The following RIDA variants were observed in gnomAD, a reference collection of about 807,000 sequenced individuals.
The protein encoded by RIDA is 2-iminobutanoate/2-iminopropanoate deaminase.
A neutral mutation model predicts 17.8 loss-of-function variants in RIDA; 17 were observed. That is an observed-to-expected ratio of 0.96 (90% confidence interval 0.65 to 1.43). The LOEUF (loss-of-function observed/expected upper bound fraction) is 1.43, where lower values mean the gene tolerates loss of function less well. Ranked by LOEUF, RIDA falls within the 40% of genes most tolerant of loss-of-function variation. The pLI is 0.00. For missense variants in RIDA, 158 were observed against 161.7 expected, an observed-to-expected ratio of 0.98 and a Z score of 0.12; for synonymous variants, 48 against 55.7, an observed-to-expected ratio of 0.86 and a Z score of 0.62.
Position 98,108,711 on chromosome 8 carries a change from G to A in RIDA, c.106C>T (p.Gln36Ter). Reference protein sequence around the residue: ...LVDRTIYISGQIGMDPSSGQL... With the variant: ...LVDRTIYISG ...CCACTTGAAGGGTCCATGCCTATCT[G>A]TCCTGAAATGTAAATGGTCCTGTCG... Residue 36 changes from glutamine (Q) to a stop codon, truncating the protein, a stop_gained, in exon 2 of 6, where the codon CAG (glutamine) becomes TAG (stop). Transcript: ENST00000254878. LOFTEE classifies it high-confidence loss of function. 3 of 1,613,516 alleles carry A rather than the reference G, an allele frequency of 1.9e-6. No individual in the cohort carries two copies. The highest frequency in any genetic ancestry group is 1.7e-6 in the Non-Finnish European group (2 of 1,179,506).
intron 4 of RIDA, among the ~76,000 whole-genome samples, chr8:98,105,120 CAAAAA>C (rs11354936): frequency 2.3e-5 from 2 of 88,052 alleles, no homozygotes; most frequent in Non-Finnish European, 2.1e-5. Flanking sequence ...AGCTTTCTGG[CAAAAA>C]AAAAAAAAAA....
Position 98,104,430 on chromosome 8 carries a change from G to C in RIDA, c.351+59C>G, listed in dbSNP as rs566083727. 17 of 1,081,282 alleles carry C rather than the reference G, an allele frequency of 1.6e-5. 1 individual carries two copies. The South Asian group carries it at 2.1e-4, about 13-fold the overall frequency. 67.0% of individuals were successfully genotyped at this position (1,081,282 alleles called of 1,614,324 possible). A position where few individuals can be genotyped will look rare whatever the true frequency, so the allele number is the denominator to read the frequency against. On this transcript the variant is annotated intron_variant, in intron 5 of 5. Coordinates refer to ENST00000254878, the MANE Select transcript of RIDA (RefSeq NM_005836.3). ...TTTCACAGTGCTTAGTTTACTTATA[G>C]AAGGAAAACAATGTAGAAACTGAAA...
chr8:98,105,641 T>C (rs892518007), intron 4 of RIDA, among the ~76,000 whole-genome samples: 2 of 152,168 alleles, frequency 1.3e-5, no homozygotes, highest in Non-Finnish European at 2.9e-5. Flanking sequence ...AATCTATGCA[T>C]AAAAAACTTG....
chr8:98,106,966 C>T (rs530939508), intron 2 of RIDA, among the ~76,000 whole-genome samples: 3 of 152,288 alleles, frequency 2.0e-5, no homozygotes, highest in South Asian at 4.1e-4. Context: ...TCTCACCCCT[C>T]TCTCCCTCTC....
chr8:98,105,771 A>T (rs1815624218), intron 4 of RIDA, among the ~76,000 whole-genome samples, 167 bp downstream of exon 4: 1 of 152,178 alleles, frequency 6.6e-6, no homozygotes, highest in African/African-American at 2.4e-5. Context: ...GAACTTTTTC[A>T]TGGGGGGTAT....
At chr8:98,107,014 T>C (rs1329913104) in intron 2 of RIDA, among the ~76,000 whole-genome samples, 3 of 152,238 alleles carry the variant, frequency 2.0e-5, no homozygotes, top group Non-Finnish European at 4.4e-5. Context: ...CTGTTCCTAA[T>C]TTATTGTATA....
intron 1 of RIDA, among the ~76,000 whole-genome samples, chr8:98,109,954 T>C (rs1205837667): frequency 6.6e-6 from 1 of 152,088 alleles, no homozygotes; most frequent in African/African-American, 2.4e-5. Flanking sequence ...AATGAAAACA[T>C]ATGTCCAAAG....
intron 1 of RIDA, among the ~76,000 whole-genome samples, chr8:98,116,483 A>G (rs1020838267): frequency 6.6e-6 from 1 of 152,204 alleles, no homozygotes; most frequent in South Asian, 2.1e-4. Context: ...GATTCAATTT[A>G]TAGGAAATGT....
chr8:98,108,698 T>C lies in RIDA; in HGVS notation c.119A>G (p.Asp40Gly). 1 of 1,613,844 alleles carries C rather than the reference T, an allele frequency of 6.2e-7. No homozygotes were observed. Among genetic ancestry groups the C allele is most frequent in the Non-Finnish European group, 8.5e-7 (1 of 1,179,784 alleles). ...TIYISGQIGM[D>G]PSSGQLVSGG... ...TGACACAAGCTGTCCACTTGAAGGG[T>C]CCATGCCTATCTGTCCTGAAATGTA... The change falls in exon 2 of 6, where the codon GAC becomes GGC. Residue 40 changes from aspartate (D) to glycine (G), a missense_variant. Physicochemically the swap from Asp to Gly is moderately conservative, Grantham distance 94. Transcript: ENST00000254878.
chr8:98,115,093 A>G (rs1753088503), intron 1 of RIDA, among the ~76,000 whole-genome samples: 2 of 152,292 alleles, frequency 1.3e-5, no homozygotes, highest in Middle Eastern at 3.4e-3. Context: ...AACTTAGAAC[A>G]GTGCCTGGTG....
At chr8:98,114,913 C>T (rs575358071) in intron 1 of RIDA, among the ~76,000 whole-genome samples, 1 of 151,070 alleles carries the variant, frequency 6.6e-6, no homozygotes, top group African/African-American at 2.4e-5. Context: ...CAATCTACAC[C>T]AGGGACAACA....
chr8:98,115,198 A>G (rs1815787111), intron 1 of RIDA, among the ~76,000 whole-genome samples: 1 of 151,768 alleles, frequency 6.6e-6, no homozygotes, highest in African/African-American at 2.4e-5. Context: ...TACCAGCCTG[A>G]CCAACACAGT....
In RIDA at chr8:98,102,827, C is replaced by T. The variant is rs888465512; in HGVS notation, c.*15G>A. ...AAAATGTTAACAATTCCAGACTACA[C>T]AGCACTGGGCCCACTTATAGTGATG... is the stretch of plus-strand genomic sequence containing the variant. On this transcript the variant is annotated 3_prime_UTR_variant, in exon 6 of 6. Transcript: ENST00000254878. 2 of 1,578,504 alleles carry T rather than the reference C, an allele frequency of 1.3e-6. No homozygotes were observed. The highest frequency in any genetic ancestry group is 1.7e-6 in the Non-Finnish European group (2 of 1,155,782).
chr8:98,104,510 G>A lies in RIDA; in HGVS notation c.330C>T (p.Tyr110=), dbSNP rs769565768. The change falls in exon 5 of 6, where the codon TAC becomes TAT. Residue 110 remains tyrosine (Y), a synonymous_variant. Coordinates refer to ENST00000254878, the MANE Select transcript of RIDA (RefSeq NM_005836.3). The part of the protein sequence containing the change: ...FKSNFPARAA[Y]QVAALPKGSR... ...TTACTTTGGGTAAAGCAGCAACTTGGTAAGCAGCTCTAGCAGGAAAATTAC... is the reference window on the plus strand; with the variant it reads ...TTACTTTGGGTAAAGCAGCAACTTGATAAGCAGCTCTAGCAGGAAAATTAC... 4.4e-6 allele frequency: 7 copies of A among 1,594,008 alleles called. No homozygotes were observed. In the East Asian group the frequency reaches 1.3e-4, roughly 31 times the overall value.
chr8:98,104,469 G>A lies in RIDA; in HGVS notation c.351+20C>T, dbSNP rs1815606781. 2.8e-6 allele frequency: 4 copies of A among 1,426,974 alleles called. No homozygotes were observed. The highest frequency in any genetic ancestry group is 4.0e-6 in the Non-Finnish European group (4 of 1,011,340). 88.4% of individuals were successfully genotyped at this position (1,426,974 alleles called of 1,614,324 possible). ...TAGAAACTGAAAACTGTGTACATTA[G>A]TCATTTAAAGTGTACTTACTTTGGG... is the stretch of plus-strand genomic sequence containing the variant. On this transcript the variant is annotated intron_variant, in intron 5 of 5. Coordinates refer to ENST00000254878, the MANE Select transcript of RIDA (RefSeq NM_005836.3).
In RIDA at chr8:98,108,622, C is replaced by T. The variant is rs764329287; in HGVS notation, c.171+24G>A. ...ATTAAAAAGGTAGTAGAAAAGGGAACCTTAAATGTGGAAAATAACTTACTT... is the reference window on the plus strand; with the variant it reads ...ATTAAAAAGGTAGTAGAAAAGGGAATCTTAAATGTGGAAAATAACTTACTT... On this transcript the variant is annotated intron_variant, in intron 2 of 5. Coordinates refer to ENST00000254878, the MANE Select transcript of RIDA (RefSeq NM_005836.3). The T allele has an allele frequency of 4.1e-6, 6 of 1,455,734 alleles. No homozygotes were observed. In the Admixed American group the frequency reaches 5.0e-5, roughly 12 times the overall value. The allele number at this position is 1,455,734 out of a possible 1,614,324, so 90.2% of individuals were successfully genotyped here. A position where few individuals can be genotyped will look rare whatever the true frequency, so the allele number is the denominator to read the frequency against.
intron 2 of RIDA, among the ~76,000 whole-genome samples, 174 bp downstream of exon 2, chr8:98,108,472 T>G (rs995675832): frequency 3.3e-5 from 5 of 152,124 alleles, no homozygotes; most frequent in African/African-American, 9.7e-5. Flanking sequence ...TGATTCATGA[T>G]CCATCAAATT....
chr8:98,113,285 T>C (rs1157295534), intron 1 of RIDA, among the ~76,000 whole-genome samples: 1 of 152,210 alleles, frequency 6.6e-6, no homozygotes, highest in Non-Finnish European at 1.5e-5. Context: ...TCCATCCCAA[T>C]GCCAGGGACT....
chr8:98,112,195 AACACACACACACAC>A (rs56178607), intron 1 of RIDA, among the ~76,000 whole-genome samples: 1 of 148,068 alleles, frequency 6.8e-6, no homozygotes, highest in Admixed American at 6.7e-5. Flanking sequence ...AACTATACTA[AACACACACACACAC>A]ACACACACAC....
Sources: gnomAD v4.1 joint callset for allele counts (sites outside exome capture counted in the v4.1 genomes callset) on GRCh38, gnomAD v4.1.1 for gene constraint, MANE v1.5 for transcripts, NCBI Gene and HGNC (gene_info 2026-07-23, HGNC 2026-07-21) for gene names.